The following LINGO2 variants were observed in gnomAD, a reference collection of about 807,000 sequenced individuals.
LINGO2 encodes leucine rich repeat and Ig domain containing 2, also known as leucine-rich repeat and immunoglobulin-like domain-containing nogo receptor-interacting protein 2.
Under a neutral mutation model 30.6 loss-of-function variants are expected in LINGO2, and 14 were observed. The observed-to-expected ratio is 0.46, with a 90% confidence interval of 0.30 to 0.72. The LOEUF (loss-of-function observed/expected upper bound fraction) is 0.72. LINGO2 is among the 30% of genes least tolerant of loss of function. The pLI is 0.07. For synonymous variants in LINGO2, 317 were observed against 288.5 expected, an observed-to-expected ratio of 1.10 and a Z score of -1.00; for missense variants, 729 against 751.7, an observed-to-expected ratio of 0.97 and a Z score of 0.35.
At chr9:29,162,161 C>A in the LINGO2 span, among the ~76,000 whole-genome samples, 1 of 152,088 alleles carries the variant, frequency 6.6e-6, no homozygotes, top group Admixed American at 6.5e-5. Context: ...CTCAAGTGAT[C>A]CACCTGCTTC....
At chr9:28,785,322 G>A in the LINGO2 span, among the ~76,000 whole-genome samples, 2 of 152,252 alleles carry the variant, frequency 1.3e-5, no homozygotes, top group East Asian at 3.9e-4. Flanking sequence ...CTATCCTGCA[G>A]CATGATAGGA....
At chr9:28,512,695 C>A (rs188594578) in intron 1 of LINGO2, among the ~76,000 whole-genome samples, 1,142 of 105,916 alleles carry the variant, frequency 0.011, 22 homozygotes, top group African/African-American at 0.035. Context: ...CTATCTATCT[C>A]TCTGGGAATT....
chr9:29,082,358 G>C, the LINGO2 span, among the ~76,000 whole-genome samples: 85 of 152,274 alleles, frequency 5.6e-4, no homozygotes, highest in African/African-American at 1.9e-3. Context: ...AAATGGTGCT[G>C]GGAAAACTGG....
At chr9:28,028,531 T>C (rs556410282) in intron 4 of LINGO2, among the ~76,000 whole-genome samples, 1 of 152,112 alleles carries the variant, frequency 6.6e-6, no homozygotes, top group Non-Finnish European at 1.5e-5. Flanking sequence ...CATAATATAA[T>C]CATTGAAATT....
intron 3 of LINGO2, among the ~76,000 whole-genome samples, chr9:28,331,870 C>T (rs1825432333): frequency 6.6e-6 from 1 of 152,138 alleles, no homozygotes; most frequent in South Asian, 2.1e-4. Flanking sequence ...TCACCTTGCA[C>T]ATGTCACTAA....
At chr9:28,501,213 G>C (rs1457076316) in intron 1 of LINGO2, among the ~76,000 whole-genome samples, 2 of 152,096 alleles carry the variant, frequency 1.3e-5, no homozygotes, top group African/African-American at 4.8e-5. Context: ...CAAATTGTTG[G>C]TAATTAGGAA....
upstream of LINGO2, among the ~76,000 whole-genome samples, chr9:28,672,214 C>T (rs1256073805): frequency 2.0e-5 from 3 of 152,086 alleles, no homozygotes; most frequent in African/African-American, 7.2e-5. Flanking sequence ...GGACACTAGG[C>T]AGAAAAACCC....
chr9:27,977,050 A>G (rs79293741), intron 5 of LINGO2, among the ~76,000 whole-genome samples: 7,689 of 152,076 alleles, frequency 0.051, 365 homozygotes, highest in Admixed American at 0.1. Context: ...TGGAAAAAAA[A>G]AAGAAGTGGA....
At chr9:28,859,800 G>C in the LINGO2 span, among the ~76,000 whole-genome samples, 3 of 151,572 alleles carry the variant, frequency 2.0e-5, no homozygotes, top group East Asian at 5.8e-4. Context: ...ATTTTGGTAC[G>C]TGCAGTACAC....
intron 1 of LINGO2, among the ~76,000 whole-genome samples, chr9:28,588,379 T>A (rs189613066): frequency 1.3e-5 from 2 of 152,072 alleles, no homozygotes; most frequent in African/African-American, 4.8e-5. Flanking sequence ...CATTCACACA[T>A]TTTGCAGACT....
intron 1 of LINGO2, among the ~76,000 whole-genome samples, chr9:28,617,434 T>A (rs536309026): frequency 3.7e-4 from 57 of 152,138 alleles, no homozygotes; most frequent in African/African-American, 1.3e-3. Flanking sequence ...TAGCTGGGAC[T>A]ACAGGCGCCC....
At chr9:29,211,664 C>A in the LINGO2 span, among the ~76,000 whole-genome samples, 10 of 152,148 alleles carry the variant, frequency 6.6e-5, no homozygotes, top group African/African-American at 2.4e-4. Context: ...AAAAGGAAAT[C>A]AGCAAAATGC....
At chr9:29,084,996 G>T in the LINGO2 span, among the ~76,000 whole-genome samples, 1 of 141,216 alleles carries the variant, frequency 7.1e-6, no homozygotes, top group African/African-American at 2.6e-5. Flanking sequence ...TACTTGTTTT[G>T]GTTTTTATTG....
chr9:28,494,582 G>C (rs1053627878), intron 1 of LINGO2, among the ~76,000 whole-genome samples: 2 of 152,188 alleles, frequency 1.3e-5, no homozygotes, highest in Non-Finnish European at 2.9e-5. Context: ...ATTCCAGGGT[G>C]TATATGTGCC....
chr9:28,034,159 G>C (rs1823818772), intron 4 of LINGO2, among the ~76,000 whole-genome samples: 1 of 152,148 alleles, frequency 6.6e-6, no homozygotes. Flanking sequence ...TGGGGCCAGG[G>C]CTTGCTGGGG....
chr9:28,975,383 C>G, the LINGO2 span, among the ~76,000 whole-genome samples: 2 of 152,076 alleles, frequency 1.3e-5, no homozygotes, highest in Admixed American at 6.6e-5. Context: ...AATATAAATC[C>G]AGGAGTAATA....
the LINGO2 span, among the ~76,000 whole-genome samples, chr9:28,721,212 G>A: frequency 6.6e-6 from 1 of 152,252 alleles, no homozygotes; most frequent in South Asian, 2.1e-4. Context: ...CTGTTGGTAG[G>A]AGTGTAAATT....
At chr9:29,009,689 T>C in the LINGO2 span, among the ~76,000 whole-genome samples, 1 of 152,112 alleles carries the variant, frequency 6.6e-6, no homozygotes, top group Non-Finnish European at 1.5e-5. Context: ...ACTTTAAAGT[T>C]CATATGGAAC....
At chr9:28,601,399 A>G (rs761063301) in intron 1 of LINGO2, among the ~76,000 whole-genome samples, 21 of 152,126 alleles carry the variant, frequency 1.4e-4, no homozygotes, top group Non-Finnish European at 2.6e-4. Flanking sequence ...ACTTTGGCCA[A>G]GTTGATTTAC....
Sources: allele counts gnomAD v4.1 joint callset (sites outside exome capture counted in the v4.1 genomes callset), GRCh38; gene constraint gnomAD v4.1.1; transcripts MANE v1.5; gene names NCBI Gene and HGNC (gene_info 2026-07-23, HGNC 2026-07-21).